Variants in CA13 observed in about 807,000 individuals in gnomAD.
CA13 encodes the protein carbonic anhydrase 13.
A neutral mutation model predicts 31.5 loss-of-function variants in CA13; 21 were observed. The ratio of observed to expected loss-of-function variants is 0.67; its 90% CI spans 0.47 to 0.96. CA13 has a LOEUF of 0.96. CA13 is among the 40% of genes least tolerant of loss of function. The probability of loss-of-function intolerance (pLI) is 0.00; values close to 1 mark genes in which losing one functional copy is unlikely to be tolerated. For missense variants in CA13, 315 were observed against 318.9 expected (o/e 0.99, Z 0.09); for synonymous variants, 117 against 111.4 (o/e 1.05, Z -0.32).
At chr8:85,254,784 TTTTTGGTTTTG>T (rs1807261496) in intron 2 of CA13, among the ~76,000 whole-genome samples, 1 of 151,526 alleles carries the variant, frequency 6.6e-6, no homozygotes, top group South Asian at 2.1e-4. Flanking sequence ...TTTTTTTTTT[TTTTTGGTTTTG>T]TTTTTTTTTT....
At chr8:85,256,745 T>C (rs1462628160) in intron 2 of CA13, among the ~76,000 whole-genome samples, 2 of 152,206 alleles carry the variant, frequency 1.3e-5, no homozygotes, top group Non-Finnish European at 2.9e-5. Flanking sequence ...TTCTTAAGGA[T>C]AAGGACAAAC....
chr8:85,271,911 A>C (rs1163830892), intron 6 of CA13, among the ~76,000 whole-genome samples: 1 of 152,062 alleles, frequency 6.6e-6, no homozygotes, highest in Non-Finnish European at 1.5e-5. Context: ...TCTACTAAAA[A>C]TACAAAAATT....
At chr8:85,275,591 G>A (rs535080725) in intron 6 of CA13, among the ~76,000 whole-genome samples, 7 of 152,122 alleles carry the variant, frequency 4.6e-5, no homozygotes, top group Non-Finnish European at 1.0e-4. Context: ...GGTGATTTTG[G>A]AGGGGAGTTG....
chr8:85,268,414 T>G, intron 5 of CA13, 58 bp from the exon 6 acceptor site: 5 of 1,466,678 alleles, frequency 3.4e-6, no homozygotes, highest in Non-Finnish European at 4.7e-6. Context: ...GTATGTTTTT[T>G]GAGGTCTATG....
At position 85,283,823 on chromosome 8, in the gene CA13, A is replaced by G. The variant is rs1807741949; in HGVS notation, c.*2474A>G. On this transcript the variant is annotated 3_prime_UTR_variant, in exon 7 of 7. Transcript: ENST00000321764. ...TCTGTATTATAAATTGCACCTTAAT[A>G]GACCAAAAATATCTATACAGCACTG... The G allele has an allele frequency of 6.6e-6, 1 of 152,518 alleles. No homozygotes were observed. Among genetic ancestry groups the G allele is most frequent in the Non-Finnish European group, 1.5e-5 (1 of 68,038 alleles). The allele number at this position is 152,518 out of a possible 1,614,324, so 9.4% of individuals were successfully genotyped here. A position where few individuals can be genotyped will look rare whatever the true frequency, so the allele number is the denominator to read the frequency against.
At chr8:85,266,053 C>T (rs781601228) in intron 3 of CA13, among the ~76,000 whole-genome samples, 17 of 152,142 alleles carry the variant, frequency 1.1e-4, no homozygotes, top group Non-Finnish European at 1.8e-4. Context: ...GACTTTACTG[C>T]CAGCCGGGAT....
At chr8:85,262,326 A>T (rs1393437884) in intron 3 of CA13, among the ~76,000 whole-genome samples, 3 of 152,138 alleles carry the variant, frequency 2.0e-5, no homozygotes, top group Admixed American at 2.0e-4. Flanking sequence ...GCCCTGTGGG[A>T]TAGGCATCCG....
At chr8:85,245,938 C>A in intron 1 of CA13, 73 bp downstream of exon 1, 1 of 1,545,434 alleles carries the variant, frequency 6.5e-7, no homozygotes, top group Non-Finnish European at 8.9e-7. Flanking sequence ...CCCCGGCGCT[C>A]GCTGACCACA....
chr8:85,249,137 A>C (rs895743253), intron 1 of CA13, among the ~76,000 whole-genome samples: 1 of 152,218 alleles, frequency 6.6e-6, no homozygotes, highest in African/African-American at 2.4e-5. Context: ...TGCCTGAAGC[A>C]TATATGAAAG....
chr8:85,256,085 A>G (rs1807290787), intron 2 of CA13, among the ~76,000 whole-genome samples: 1 of 152,214 alleles, frequency 6.6e-6, no homozygotes, highest in Non-Finnish European at 1.5e-5. Flanking sequence ...ATACCATGAC[A>G]TAGCATTGGG....
In CA13 at chr8:85,278,247, CAG is replaced by C. The variant is rs1807646009; in HGVS notation, c.670-2980_670-2979del. On this transcript the variant is annotated intron_variant, in intron 6 of 6. Coordinates refer to ENST00000321764, the MANE Select transcript of CA13 (RefSeq NM_198584.3). ...TGCCACTGCAATCCAGCCTGGGTGA[CAG>C]AGCAAGACTCTATCTCAAAAAAAAA... Among the ~76,000 whole-genome samples, 3 of 115,622 alleles carry C rather than the reference CAG, an allele frequency of 2.6e-5. No homozygotes were observed. The South Asian group carries it at 8.3e-4, about 32-fold the overall frequency. The allele number at this position is 115,622 out of a possible 152,430, so 75.9% of individuals were successfully genotyped here.
At position 85,281,311 on chromosome 8, in the gene CA13, C is replaced by T. The variant is rs747454664; in HGVS notation, c.751C>T (p.Pro251Ser). The change falls in exon 7 of 7, where the codon CCT (proline) becomes TCT (serine). Residue 251 changes from proline (P) to serine (S), a missense_variant. By Grantham distance (74) the Pro-to-Ser change is moderately conservative. Coordinates refer to ENST00000321764, the MANE Select transcript of CA13 (RefSeq NM_198584.3). ...GGTGAGCAATCACCGCCCACCACAGCCTCTAAAGGGCCGCAAAGTGAGAGC... is the reference window on the plus strand; with the variant it reads ...GGTGAGCAATCACCGCCCACCACAGTCTCTAAAGGGCCGCAAAGTGAGAGC... ...FLVSNHRPPQ[P>S]LKGRKVRASF... is the part of the protein sequence containing the mutation. The T allele has an allele frequency of 3.2e-5, 52 of 1,613,928 alleles. No individual in the cohort carries two copies. Among genetic ancestry groups the T allele is most frequent in the Non-Finnish European group, 4.1e-5 (48 of 1,179,970 alleles).
At chr8:85,250,304 A>G (rs556741037) in intron 1 of CA13, among the ~76,000 whole-genome samples, 15 of 152,320 alleles carry the variant, frequency 9.8e-5, no homozygotes, top group Admixed American at 7.8e-4. Context: ...TTTAAGAATG[A>G]CACCCTTTCT....
At chr8:85,279,778 G>T (rs1807670660) in intron 6 of CA13, among the ~76,000 whole-genome samples, 1 of 152,178 alleles carries the variant, frequency 6.6e-6, no homozygotes, top group South Asian at 2.1e-4. Flanking sequence ...ACTCCAGACA[G>T]ACCTGGATTG....
At chr8:85,280,975 C>G (rs936906498) in intron 6 of CA13, among the ~76,000 whole-genome samples, 1 of 152,156 alleles carries the variant, frequency 6.6e-6, no homozygotes, top group Non-Finnish European at 1.5e-5. Flanking sequence ...AAACCACACT[C>G]TAGATGTTTC....
chr8:85,250,091 A>G (rs1026510382), intron 1 of CA13, among the ~76,000 whole-genome samples: 1 of 152,202 alleles, frequency 6.6e-6, no homozygotes, highest in Non-Finnish European at 1.5e-5. Context: ...AATAAATTAC[A>G]ATCTGACTCT....
In CA13 at chr8:85,245,890, G is replaced by T. The variant is rs375151255; in HGVS notation, c.37+25G>T. On this transcript the variant is annotated intron_variant, in intron 1 of 6. Transcript: ENST00000321764. ...GGTGAGCGCCTTTTCCTGATCCAAGGGGGGGTTTGTGCGGGGGACGAGAGG... is the reference window on the plus strand; with the variant it reads ...GGTGAGCGCCTTTTCCTGATCCAAGTGGGGGTTTGTGCGGGGGACGAGAGG... 4.5e-5 allele frequency: 72 copies of T among 1,614,038 alleles called. No individual in the cohort carries two copies. The Middle Eastern group carries it at 8.3e-4, about 18-fold the overall frequency.
At chr8:85,262,101 A>T (rs1807388132) in intron 3 of CA13, among the ~76,000 whole-genome samples, 2 of 152,304 alleles carry the variant, frequency 1.3e-5, no homozygotes, top group Admixed American at 1.3e-4. Context: ...ATACAATTCC[A>T]AGGGTGGGTG....
intron 3 of CA13, among the ~76,000 whole-genome samples, chr8:85,263,778 T>G (rs763866986): frequency 6.6e-6 from 1 of 152,114 alleles, no homozygotes; most frequent in African/African-American, 2.4e-5. Context: ...AAGTAGGCTA[T>G]TGGATAAAAA....
Sources: allele counts gnomAD v4.1 joint callset (sites outside exome capture counted in the v4.1 genomes callset), GRCh38; gene constraint gnomAD v4.1.1; transcripts MANE v1.5; gene names NCBI Gene and HGNC (gene_info 2026-07-23, HGNC 2026-07-21).